HNF4G: variants seen among roughly 807,000 people sequenced by gnomAD.
The protein encoded by HNF4G is hepatocyte nuclear factor 4-gamma.
In HNF4G, 21 loss-of-function variants were observed where a neutral mutation model predicts 50.9. That is an observed-to-expected ratio of 0.41 (90% CI 0.29 to 0.59). The LOEUF is 0.59. Ranked by LOEUF, HNF4G falls within the 20% of genes least tolerant of loss-of-function variation. The pLI is 0.26. For missense variants in HNF4G, 527 were observed against 559.4 expected (o/e 0.94, Z 0.58); for synonymous variants, 198 against 185.6 (o/e 1.07, Z -0.54).
Position 75,462,638 on chromosome 8 carries a change from A to G in HNF4G, c.-143-27451A>G, listed in dbSNP as rs1034063771. Among the ~76,000 whole-genome samples, 5 of 152,220 alleles carry G rather than the reference A, an allele frequency of 3.3e-5. No individual in the cohort carries two copies. In the East Asian group the frequency reaches 9.6e-4, roughly 29 times the overall value. ...TGTTGTATTTTGATATTAATATGTC[A>G]ATATAATTTAGTAGAGAAAAAATAC... is the stretch of plus-strand genomic sequence containing the variant. On this transcript the variant is annotated intron_variant, in intron 1 of 10. Transcript: ENST00000354370.
At chr8:75,419,016 T>C (rs911190427) in intron 1 of HNF4G, among the ~76,000 whole-genome samples, 1 of 152,172 alleles carries the variant, frequency 6.6e-6, no homozygotes, top group Non-Finnish European at 1.5e-5. Context: ...CGTGAGCCAC[T>C]GCACCTGCCT....
chr8:75,457,590 G>A (rs900521521), intron 1 of HNF4G, among the ~76,000 whole-genome samples: 1 of 152,152 alleles, frequency 6.6e-6, no homozygotes, highest in African/African-American at 2.4e-5. Flanking sequence ...GAGTAGAGAG[G>A]TAGTATCTTA....
chr8:75,525,927 G>C (rs528333292), intron 2 of HNF4G, among the ~76,000 whole-genome samples: 99 of 152,192 alleles, frequency 6.5e-4, no homozygotes, highest in Non-Finnish European at 1.1e-3. Flanking sequence ...AAAGGGAGTT[G>C]TCACAAATGT....
chr8:75,537,550 G>A (rs2130777809), upstream of HNF4G, among the ~76,000 whole-genome samples: 1 of 151,948 alleles, frequency 6.6e-6, no homozygotes, highest in Admixed American at 6.6e-5. Flanking sequence ...CTGGCTAAAA[G>A]ACTTTTTTTT....
At chr8:75,526,272 G>C (rs1177196542) in intron 2 of HNF4G, among the ~76,000 whole-genome samples, 1 of 151,516 alleles carries the variant, frequency 6.6e-6, no homozygotes, top group East Asian at 2.0e-4. Context: ...GTGACCACAG[G>C]TGCACATCAC....
chr8:75,541,746 A>G (rs1210358429), intron 1 of HNF4G, among the ~76,000 whole-genome samples: 1 of 152,026 alleles, frequency 6.6e-6, no homozygotes, highest in Non-Finnish European at 1.5e-5. Context: ...GTAATCCACA[A>G]TATTAACTCA....
chr8:75,428,139 A>G (rs1810928961), intron 1 of HNF4G, among the ~76,000 whole-genome samples: 2 of 152,170 alleles, frequency 1.3e-5, no homozygotes, highest in Admixed American at 6.6e-5. Context: ...ACATTTTGTA[A>G]AGGGAAGGTA....
chr8:75,449,838 A>G (rs1024852021), intron 1 of HNF4G, among the ~76,000 whole-genome samples: 5 of 152,144 alleles, frequency 3.3e-5, no homozygotes, highest in African/African-American at 1.2e-4. Flanking sequence ...TGTGAGATTT[A>G]TGATACTGGT....
chr8:75,453,053 C>G (rs762505696), intron 1 of HNF4G, among the ~76,000 whole-genome samples: 1 of 152,154 alleles, frequency 6.6e-6, no homozygotes, highest in Non-Finnish European at 1.5e-5. Flanking sequence ...TCATGTCAGG[C>G]CTTCTTAACT....
At chr8:75,480,724 T>TC (rs1812356956) in intron 1 of HNF4G, among the ~76,000 whole-genome samples, 1 of 144,598 alleles carries the variant, frequency 6.9e-6, no homozygotes, top group Non-Finnish European at 1.5e-5. Context: ...TTTCTTTCTT[T>TC]TTTTTTTTTT....
At chr8:75,558,759 T>C in intron 7 of HNF4G, 42 bp from the exon 8 acceptor site, 2 of 1,580,810 alleles carry the variant, frequency 1.3e-6, no homozygotes, top group Non-Finnish European at 1.7e-6. Flanking sequence ...CACACTGTAA[T>C]TAGGTTAAAT....
chr8:75,518,112 A>G (rs1184711748), intron 2 of HNF4G, among the ~76,000 whole-genome samples: 1 of 148,806 alleles, frequency 6.7e-6, no homozygotes, highest in Non-Finnish European at 1.5e-5. Context: ...AGCATTAGGT[A>G]TATCTCCTAA....
intron 1 of HNF4G, among the ~76,000 whole-genome samples, chr8:75,417,100 T>C (rs1810657088): frequency 7.1e-6 from 1 of 141,632 alleles, no homozygotes; most frequent in African/African-American, 2.7e-5. Context: ...TACGAGCATG[T>C]GCATGGTCGC....
chr8:75,458,578 T>C (rs1432164179), intron 1 of HNF4G, among the ~76,000 whole-genome samples: 1 of 152,006 alleles, frequency 6.6e-6, no homozygotes, highest in Admixed American at 6.6e-5. Context: ...AACGTAAAAA[T>C]GTTCCTACTA....
chr8:75,477,114 C>T (rs1388398164), intron 1 of HNF4G, among the ~76,000 whole-genome samples: 2 of 152,136 alleles, frequency 1.3e-5, no homozygotes, highest in Non-Finnish European at 2.9e-5. Flanking sequence ...ACACCTTCAG[C>T]AGAGTTTGTA....
chr8:75,545,761 T>G (rs1441045795), intron 2 of HNF4G, among the ~76,000 whole-genome samples: 1 of 152,148 alleles, frequency 6.6e-6, no homozygotes, highest in African/African-American at 2.4e-5. Context: ...TATTAGATTA[T>G]AATTTCCTTG....
At chr8:75,442,292 T>C (rs1811306166) in intron 1 of HNF4G, among the ~76,000 whole-genome samples, 1 of 152,172 alleles carries the variant, frequency 6.6e-6, no homozygotes, top group Non-Finnish European at 1.5e-5. Flanking sequence ...TATATGGATA[T>C]TTGTTTCATT....
intron 1 of HNF4G, among the ~76,000 whole-genome samples, chr8:75,432,013 T>C (rs558470695): frequency 6.6e-6 from 1 of 151,384 alleles, no homozygotes; most frequent in Admixed American, 6.6e-5. Flanking sequence ...CAACAGTGGC[T>C]GAAGTAGGAG....
chr8:75,449,743 G>A (rs113665156), intron 1 of HNF4G, among the ~76,000 whole-genome samples: 5,193 of 151,904 alleles, frequency 0.034, 126 homozygotes, highest in South Asian at 0.058. Flanking sequence ...TCCTGACCTC[G>A]TGATCCGCCC....
Sources: allele counts gnomAD v4.1 joint callset (sites outside exome capture counted in the v4.1 genomes callset), GRCh38; gene constraint gnomAD v4.1.1; transcripts MANE v1.5; gene names NCBI Gene and HGNC (gene_info 2026-07-23, HGNC 2026-07-21).